Variants in TMTC2 observed in about 807,000 individuals in gnomAD.
TMTC2 encodes the protein transmembrane O-mannosyltransferase targeting cadherins 2, also known as protein O-mannosyl-transferase TMTC2.
Under a neutral mutation model 82.4 loss-of-function variants are expected in TMTC2, and 43 were observed. The observed-to-expected ratio is 0.52, with a 90% CI of 0.41 to 0.67. The LOEUF (loss-of-function observed/expected upper bound fraction) is 0.67. Ranked by LOEUF, TMTC2 falls within the 30% of genes least tolerant of loss-of-function variation. The pLI is 0.00. For synonymous variants in TMTC2, 408 were observed against 381.9 expected (o/e 1.07, Z -0.80); for missense variants, 919 against 1,012.4 (o/e 0.91, Z 1.25).
intron 1 of TMTC2, among the ~76,000 whole-genome samples, chr12:82,820,540 A>G (rs1014883990): frequency 7.2e-5 from 11 of 151,756 alleles, no homozygotes; most frequent in Non-Finnish European, 1.5e-4. Flanking sequence ...ACACCCGGCT[A>G]ATTTTTGTAT....
At chr12:83,093,093 G>C (rs941191469) in intron 11 of TMTC2, among the ~76,000 whole-genome samples, 36 of 151,910 alleles carry the variant, frequency 2.4e-4, no homozygotes, top group African/African-American at 8.5e-4. Flanking sequence ...ACATTACTCT[G>C]TGTGTGTGTG....
At chr12:82,697,386 T>G (rs1872864327) in intron 1 of TMTC2, among the ~76,000 whole-genome samples, 1 of 150,676 alleles carries the variant, frequency 6.6e-6, no homozygotes, top group African/African-American at 2.4e-5. Context: ...TTTGCATTAC[T>G]GTTATTCCCA....
intron 1 of TMTC2, among the ~76,000 whole-genome samples, chr12:82,837,763 T>C (rs1320671079): frequency 6.6e-6 from 1 of 152,198 alleles, no homozygotes; most frequent in African/African-American, 2.4e-5. Flanking sequence ...CAAGGGGAAT[T>C]GACTAAAACA....
chr12:82,964,908 G>A (rs368292759), intron 4 of TMTC2, 116 bp from the exon 5 acceptor site: 2 of 556,728 alleles, frequency 3.6e-6, no homozygotes, highest in East Asian at 3.1e-5. Flanking sequence ...ATATTACCAG[G>A]TTAGCATTTT....
At chr12:83,057,352 G>C (rs959665199) in intron 10 of TMTC2, among the ~76,000 whole-genome samples, 3 of 151,678 alleles carry the variant, frequency 2.0e-5, no homozygotes, top group Admixed American at 6.6e-5. Context: ...TTTCTTTACC[G>C]CTCTACTCTT....
intron 4 of TMTC2, among the ~76,000 whole-genome samples, chr12:82,934,427 C>A (rs551671833): frequency 6.6e-6 from 1 of 151,398 alleles, no homozygotes; most frequent in Non-Finnish European, 1.5e-5. Context: ...CCCCTCCCTG[C>A]GTCCATGTGT....
chr12:82,751,871 A>G (rs909507449), intron 1 of TMTC2, among the ~76,000 whole-genome samples: 9 of 152,196 alleles, frequency 5.9e-5, no homozygotes, highest in Non-Finnish European at 1.3e-4. Context: ...CCAGTTAAAC[A>G]GTTTTGTGTT....
intron 3 of TMTC2, among the ~76,000 whole-genome samples, chr12:82,925,102 A>T (rs1875623448): frequency 6.6e-6 from 1 of 152,100 alleles, no homozygotes; most frequent in African/African-American, 2.4e-5. Context: ...CTTGCTCCTT[A>T]TCCTTTAGCT....
At chr12:82,929,124 G>A (rs994172648) in intron 3 of TMTC2, among the ~76,000 whole-genome samples, 2 of 152,076 alleles carry the variant, frequency 1.3e-5, no homozygotes, top group African/African-American at 4.8e-5. Context: ...GCCCAGGCTT[G>A]AGTGCGGTGG....
intron 11 of TMTC2, among the ~76,000 whole-genome samples, chr12:83,062,489 C>G (rs1258394669): frequency 6.6e-6 from 1 of 151,750 alleles, no homozygotes; most frequent in Admixed American, 6.6e-5. Context: ...TTTTCATATA[C>G]CTTCTGCATC....
intron 3 of TMTC2, among the ~76,000 whole-genome samples, chr12:82,918,182 TA>T (rs1181912284): frequency 6.6e-6 from 1 of 152,170 alleles, no homozygotes; most frequent in Non-Finnish European, 1.5e-5. Flanking sequence ...AGTACTAGAT[TA>T]TAGGTATGAG....
intron 11 of TMTC2, among the ~76,000 whole-genome samples, chr12:83,069,705 T>A (rs1208440921): frequency 2.0e-5 from 3 of 152,202 alleles, no homozygotes; most frequent in Non-Finnish European, 4.4e-5. Flanking sequence ...TTTAATTAGG[T>A]CCCAGCTATT....
chr12:82,715,358 GTGAGATATGGA>G (rs1713388020), intron 1 of TMTC2, among the ~76,000 whole-genome samples: 1 of 152,086 alleles, frequency 6.6e-6, no homozygotes, highest in Non-Finnish European at 1.5e-5. Flanking sequence ...CCACCATGCA[GTGAGATATGGA>G]TGTTTATATC....
chr12:82,817,708 G>A (rs1868831512), intron 1 of TMTC2, among the ~76,000 whole-genome samples: 1 of 152,128 alleles, frequency 6.6e-6, no homozygotes, highest in Non-Finnish European at 1.5e-5. Context: ...AGATGAAACT[G>A]GCACTTCATT....
chr12:82,842,125 G>A (rs1035791446), intron 1 of TMTC2, among the ~76,000 whole-genome samples: 2 of 152,138 alleles, frequency 1.3e-5, no homozygotes, highest in Non-Finnish European at 2.9e-5. Context: ...TTTGGAGAAC[G>A]GTGTTCAAGT....
intron 1 of TMTC2, among the ~76,000 whole-genome samples, chr12:82,762,325 T>G (rs1876697577): frequency 6.6e-6 from 1 of 152,164 alleles, no homozygotes; most frequent in Non-Finnish European, 1.5e-5. Flanking sequence ...GGGCATCATG[T>G]CTCCTCCTTA....
intron 8 of TMTC2, among the ~76,000 whole-genome samples, chr12:82,987,081 C>T (rs1206808160): frequency 6.6e-6 from 1 of 152,044 alleles, no homozygotes; most frequent in Non-Finnish European, 1.5e-5. Flanking sequence ...AAAATAATAA[C>T]ATTTTACTTT....
chr12:83,056,376 G>A (rs1882543406), intron 10 of TMTC2, among the ~76,000 whole-genome samples: 1 of 151,808 alleles, frequency 6.6e-6, no homozygotes, highest in Non-Finnish European at 1.5e-5. Flanking sequence ...ATACCAACTG[G>A]TTCTAATTTC....
intron 1 of TMTC2, among the ~76,000 whole-genome samples, chr12:82,804,620 C>T (rs545595400): frequency 2.0e-5 from 3 of 152,092 alleles, no homozygotes; most frequent in Admixed American, 2.0e-4. Context: ...GGGCTTTCTA[C>T]AAAAGCCTCA....
Sources: allele counts gnomAD v4.1 joint callset (sites outside exome capture counted in the v4.1 genomes callset), GRCh38; gene constraint gnomAD v4.1.1; transcripts MANE v1.5; gene names NCBI Gene and HGNC (gene_info 2026-07-23, HGNC 2026-07-21).